Variants in HNRNPM observed in about 807,000 individuals in gnomAD.
The protein encoded by HNRNPM is CEA receptor.
HNRNPM carries 11 observed loss-of-function variants against 73.1 expected under a neutral mutation model. The ratio of observed to expected loss-of-function variants is 0.15; its 90% confidence interval spans 0.09 to 0.25. The LOEUF is 0.25. HNRNPM is among the 10% of genes least tolerant of loss of function. The pLI is 1.00. For missense variants in HNRNPM, 789 were observed against 1,067.9 expected (o/e 0.74, Z 3.64); for synonymous variants, 407 against 355.2 (o/e 1.15, Z -1.64).
chr19:8,448,413 T>C (rs561808238), intron 1 of HNRNPM, among the ~76,000 whole-genome samples: 1 of 152,104 alleles, frequency 6.6e-6, no homozygotes, highest in Admixed American at 6.5e-5. Context: ...TTTTTAAAAT[T>C]TTTTTAAATG....
intron 15 of HNRNPM, 177 bp downstream of exon 15, chr19:8,487,252 G>A: frequency 1.5e-6 from 1 of 662,468 alleles, no homozygotes; most frequent in Non-Finnish European, 2.8e-6. Context: ...TGTGTCACAT[G>A]TTTTTCAGCT....
chr19:8,471,374 T>C lies in HNRNPM; in HGVS notation c.944T>C (p.Ile315Thr), dbSNP rs1270744753. Residue 315 changes from isoleucine (I) to threonine (T), a missense_variant, in exon 10 of 16, where the codon ATT becomes ACT. Physicochemically the swap from Ile to Thr is moderately conservative, Grantham distance 89 (BLOSUM62 -1). This residue lies in a region of HNRNPM where 604 missense variants were observed against 744.0 expected (regional missense o/e 0.81). Transcript: ENST00000325495. ...GGGTTAGGACCAGGAGGGCAACCCATTGATGCCAATCACCTGAATAAAGGC... is the reference window on the plus strand; with the variant it reads ...GGGTTAGGACCAGGAGGGCAACCCACTGATGCCAATCACCTGAATAAAGGC... Reference protein sequence around the residue: ...GMGLGPGGQPIDANHLNKGIG... With the variant: ...GMGLGPGGQPTDANHLNKGIG... 2 of 1,609,276 alleles carry C rather than the reference T, an allele frequency of 1.2e-6. No individual in the cohort carries two copies. Among genetic ancestry groups the C allele is most frequent in the Non-Finnish European group, 1.7e-6 (2 of 1,177,808 alleles).
intron 12 of HNRNPM, among the ~76,000 whole-genome samples, chr19:8,481,814 G>A (rs1424594499): frequency 2.6e-5 from 4 of 152,158 alleles, no homozygotes; most frequent in Non-Finnish European, 4.4e-5. Context: ...GGGCAGGATC[G>A]CAGGCGTCCC....
rs779819899 is a variant in HNRNPM, at chr19:8,463,587, C to G, written c.345-6C>G. The G allele has an allele frequency of 2.9e-4, 472 of 1,613,146 alleles. No individual in the cohort carries two copies. The highest frequency in any genetic ancestry group is 3.6e-4 in the Non-Finnish European group (423 of 1,179,312). ...TCACTCGACTCGTTTCCTTTTGACT[C>G]TATAGTGTTGTTGAATTCAAGATGG... On this transcript the variant is annotated splice_polypyrimidine_tract_variant and splice_region_variant and intron_variant, in intron 4 of 15. Coordinates refer to ENST00000325495, the MANE Select transcript of HNRNPM (RefSeq NM_005968.5).
chr19:8,464,168 C>T (rs767052434), intron 5 of HNRNPM, among the ~76,000 whole-genome samples: 2 of 151,826 alleles, frequency 1.3e-5, no homozygotes, highest in Non-Finnish European at 2.9e-5. Flanking sequence ...TCATTTGAGC[C>T]CAGGATGTGG....
At chr19:8,456,032 G>A (rs1486348191) in intron 2 of HNRNPM, among the ~76,000 whole-genome samples, 1 of 151,210 alleles carries the variant, frequency 6.6e-6, no homozygotes, top group Non-Finnish European at 1.5e-5. Context: ...TCAAAATGTG[G>A]TAGCTGGACC....
chr19:8,485,689 G>T lies in HNRNPM; in HGVS notation c.1261G>T (p.Ala421Ser). 1 of 1,606,902 alleles carries T rather than the reference G, an allele frequency of 6.2e-7. No homozygotes were observed. The change falls in exon 14 of 16, where the codon GCG becomes TCG. Residue 421 changes from alanine (A) to serine (S), a missense_variant. Coordinates refer to ENST00000325495, the MANE Select transcript of HNRNPM (RefSeq NM_005968.5). ...GGGTGCCGGCATGGAGCGCATGGGC[G>T]CGGGCCTGGGCCACGGCATGGATCG... ...LGGAGMERMGAGLGHGMDRVG... is the reference protein window; with the variant it reads ...LGGAGMERMGSGLGHGMDRVG...
chr19:8,486,043 G>A lies in HNRNPM; in HGVS notation c.1615G>A (p.Ala539Thr). The A allele has an allele frequency of 6.2e-7, 1 of 1,606,080 alleles. No individual in the cohort carries two copies. Among genetic ancestry groups the A allele is most frequent in the East Asian group, 2.2e-5 (1 of 44,800 alleles). Residue 539 changes from alanine (A) to threonine (T), a missense_variant, in exon 14 of 16, where the codon GCT becomes ACT. By Grantham distance (58) the Ala-to-Thr change is moderately conservative. Coordinates refer to ENST00000325495, the MANE Select transcript of HNRNPM (RefSeq NM_005968.5). ...MERMVPAGMG[A>T]GLERMGPVMD... The stretch of plus-strand genomic sequence containing the variant: ...GCGCATGGTGCCCGCAGGTATGGGA[G>A]CTGGCCTGGAGCGCATGGGCCCCGT...
In HNRNPM at chr19:8,485,754, CCGCATGGGCTCCGTGGAG is replaced by C. The variant is rs759731687; in HGVS notation, c.1340_1357del (p.Val447_Ser452del). 284 of 1,602,982 alleles carry C rather than the reference CCGCATGGGCTCCGTGGAG, an allele frequency of 1.8e-4. 1 individual carries two copies. The highest frequency in any genetic ancestry group is 5.0e-4 in the Middle Eastern group (3 of 6,036). On this transcript the variant is annotated inframe_deletion, in exon 14 of 16. Coordinates refer to ENST00000325495, the MANE Select transcript of HNRNPM (RefSeq NM_005968.5). ...TCGAGCGCATGGGCCTGGTCATGGA[CCGCATGGGCTCCGTGGAG>C]CGCATGGGCTCCGGCATTGAGCGCA...
At chr19:8,452,428 C>T (rs545034727) in intron 1 of HNRNPM, among the ~76,000 whole-genome samples, 3 of 152,242 alleles carry the variant, frequency 2.0e-5, no homozygotes, top group Admixed American at 6.5e-5. Context: ...ACACAGTCGT[C>T]GTCATTTTCC....
chr19:8,472,820 G>C (rs1599814106), intron 10 of HNRNPM, among the ~76,000 whole-genome samples: 1 of 152,172 alleles, frequency 6.6e-6, no homozygotes, highest in African/African-American at 2.4e-5. Context: ...GACCTCAGGT[G>C]ATCCACCCGC....
chr19:8,474,305 G>A, intron 12 of HNRNPM, 61 bp downstream of exon 12: 6 of 1,260,556 alleles, frequency 4.8e-6, no homozygotes, highest in Non-Finnish European at 6.6e-6. Context: ...CCTCTCAGGT[G>A]ACTTTTAGGC....
chr19:8,448,422 TGTA>T (rs777354211), intron 1 of HNRNPM, among the ~76,000 whole-genome samples: 1 of 152,012 alleles, frequency 6.6e-6, no homozygotes, highest in South Asian at 2.1e-4. Flanking sequence ...TTTTTTTAAA[TGTA>T]GTATCATATA....
intron 10 of HNRNPM, among the ~76,000 whole-genome samples, chr19:8,473,318 A>G (rs1161267604): frequency 3.9e-5 from 6 of 152,038 alleles, no homozygotes. Context: ...AAGATTAGCC[A>G]GGCGTGGTAG....
rs746842195 is a variant in HNRNPM, at chr19:8,476,566, T to TA, written c.1120+2335dup. ...AATCCCAGCGCATTGAGATTAATGT[T>TA]AAAAAAAAAAAAAGAGAGATTGTTA... On this transcript the variant is annotated intron_variant, in intron 12 of 15. Coordinates refer to ENST00000325495, the MANE Select transcript of HNRNPM (RefSeq NM_005968.5). Among the ~76,000 whole-genome samples the TA allele has an allele frequency of 7.7e-3, 300 of 38,988 alleles. 2 individuals are homozygous for TA. Among genetic ancestry groups the TA allele is most frequent in the African/African-American group, 9.6e-3 (273 of 28,434 alleles). The allele number at this position is 38,988 out of a possible 152,430, so 25.6% of individuals were successfully genotyped here.
chr19:8,477,553 C>G (rs957721533), intron 12 of HNRNPM, among the ~76,000 whole-genome samples: 5 of 150,878 alleles, frequency 3.3e-5, no homozygotes, highest in African/African-American at 1.2e-4. Context: ...CTGGGAAACT[C>G]AGGTGGGAGG....
At chr19:8,449,178 T>G (rs1391770625) in intron 1 of HNRNPM, among the ~76,000 whole-genome samples, 1 of 152,246 alleles carries the variant, frequency 6.6e-6, no homozygotes, top group East Asian at 1.9e-4. Context: ...GACAGGGTTT[T>G]GGATTATTTG....
chr19:8,471,676 G>C (rs889689937), intron 10 of HNRNPM, among the ~76,000 whole-genome samples: 1 of 152,146 alleles, frequency 6.6e-6, no homozygotes, highest in Non-Finnish European at 1.5e-5. Context: ...TGAAATAGTT[G>C]TGCCATTTGA....
intron 1 of HNRNPM, among the ~76,000 whole-genome samples, chr19:8,448,473 A>ATTTTTT (rs33965463): frequency 7.0e-6 from 1 of 142,608 alleles, no homozygotes; most frequent in South Asian, 2.2e-4. Flanking sequence ...TTCCTGAGTA[A>ATTTTTT]TTTTTTTTTT....
Sources: gnomAD v4.1 joint callset for allele counts (sites outside exome capture counted in the v4.1 genomes callset) on GRCh38, gnomAD v4.1.1 for gene constraint, gnomAD v4.1.1 regional missense constraint, MANE v1.5 for transcripts, NCBI Gene and HGNC (gene_info 2026-07-23, HGNC 2026-07-21) for gene names.